ARHGEF4: variants seen among roughly 807,000 people sequenced by gnomAD.
ARHGEF4 encodes the protein Rho guanine nucleotide exchange factor 4, also known as APC-stimulated guanine nucleotide exchange factor 1.
Under a neutral mutation model 162.0 loss-of-function variants are expected in ARHGEF4, and 119 were observed. The ratio of observed to expected loss-of-function variants is 0.73; its 90% CI spans 0.63 to 0.86. The LOEUF (loss-of-function observed/expected upper bound fraction) is 0.86, where lower values mean the gene tolerates loss of function less well. ARHGEF4 is among the 40% of genes least tolerant of loss of function. ARHGEF4 has a pLI of 0.00. For missense variants in ARHGEF4, 2,488 were observed against 2,456.0 expected (o/e 1.01, Z -0.28); for synonymous variants, 1,014 against 979.9 (o/e 1.03, Z -0.65).
At chr2:130,956,448 G>C (rs1314754054) in intron 4 of ARHGEF4, among the ~76,000 whole-genome samples, 4 of 151,924 alleles carry the variant, frequency 2.6e-5, no homozygotes, top group Non-Finnish European at 5.9e-5. Context: ...AATACCATTT[G>C]ACCCAGCCAT....
chr2:130,993,446 ATTTTC>A (rs146358523), intron 4 of ARHGEF4, among the ~76,000 whole-genome samples: 3,908 of 152,036 alleles, frequency 0.026, 152 homozygotes, highest in East Asian at 0.21. Context: ...AAGAATGTGT[ATTTTC>A]TTCTTGTTGG....
In ARHGEF4 at chr2:130,982,208, A is replaced by G. The variant is rs1474951675; in HGVS notation, c.3985+35573A>G. ...GAGACAGGGTTTCACCATGTTGGCC[A>G]GGCTAATCTCGAACTCCTGACCTCA... On this transcript the variant is annotated intron_variant, in intron 4 of 13. Coordinates refer to ENST00000409359, the MANE Select transcript of ARHGEF4 (RefSeq NM_001367493.1). 2.0e-5 allele frequency among the ~76,000 whole-genome samples: 3 copies of G among 152,094 alleles called. No homozygotes were observed. The East Asian group carries it at 5.8e-4, about 29-fold the overall frequency.
Position 130,912,603 on chromosome 2 carries a change from G to A in ARHGEF4, c.40-1383G>A, listed in dbSNP as rs1305178847. On this transcript the variant is annotated intron_variant, in intron 1 of 13. Transcript: ENST00000409359. ...AAACCATGCCTGGGAGGGGCCGGTG[G>A]GGTGAATGGCTTCAGTACAAAGCTT... Among the ~76,000 whole-genome samples, 4 of 152,046 alleles carry A rather than the reference G, an allele frequency of 2.6e-5. No individual in the cohort carries two copies. The East Asian group carries it at 7.8e-4, about 29-fold the overall frequency.
intron 4 of ARHGEF4, among the ~76,000 whole-genome samples, chr2:130,997,730 G>T (rs1687495984): frequency 6.6e-6 from 1 of 152,168 alleles, no homozygotes; most frequent in African/African-American, 2.4e-5. Context: ...TTTAATGCTT[G>T]TTTTGAAAAC....
At chr2:130,906,843 TAGTCC>T (rs1297626518) in intron 1 of ARHGEF4, among the ~76,000 whole-genome samples, 3 of 152,244 alleles carry the variant, frequency 2.0e-5, no homozygotes, top group Non-Finnish European at 2.9e-5. Flanking sequence ...TGTCAGTCTA[TAGTCC>T]ATCTTGGGTT....
intron 1 of ARHGEF4, among the ~76,000 whole-genome samples, chr2:130,906,848 C>T (rs1680844428): frequency 6.6e-6 from 1 of 152,144 alleles, no homozygotes. Flanking sequence ...GTCTATAGTC[C>T]ATCTTGGGTT....
chr2:131,015,921 C>T (rs1008606206), intron 4 of ARHGEF4, among the ~76,000 whole-genome samples: 2 of 152,230 alleles, frequency 1.3e-5, no homozygotes, highest in African/African-American at 2.4e-5. Context: ...GGGCCACACC[C>T]GGACACGTAT....
At chr2:130,927,635 G>C (rs562281091) in intron 2 of ARHGEF4, among the ~76,000 whole-genome samples, 2 of 152,294 alleles carry the variant, frequency 1.3e-5, no homozygotes, top group South Asian at 4.2e-4. Context: ...TTTTCTGTCT[G>C]GACCTAGTGA....
intron 5 of ARHGEF4, among the ~76,000 whole-genome samples, chr2:131,032,818 C>T (rs950453171): frequency 1.5e-5 from 2 of 136,002 alleles, no homozygotes; most frequent in African/African-American, 6.1e-5. Context: ...CCTTTGCCTT[C>T]AAGCTTTCTT....
intron 4 of ARHGEF4, among the ~76,000 whole-genome samples, chr2:130,951,231 A>G (rs1270195317): frequency 1.3e-5 from 2 of 152,148 alleles, no homozygotes; most frequent in Admixed American, 1.3e-4. Context: ...TTCATTTCCT[A>G]CAAGAACTGC....
chr2:130,901,527 T>C (rs1269185083), intron 1 of ARHGEF4, among the ~76,000 whole-genome samples: 1 of 151,896 alleles, frequency 6.6e-6, no homozygotes, highest in Non-Finnish European at 1.5e-5. Flanking sequence ...CATATTCTTT[T>C]TTTTTTTTTT....
intron 1 of ARHGEF4, among the ~76,000 whole-genome samples, chr2:130,868,204 A>C (rs1682438570): frequency 1.3e-5 from 2 of 151,798 alleles, no homozygotes; most frequent in African/African-American, 2.4e-5. Context: ...GGATTACAGG[A>C]GTGAGCCACC....
chr2:130,864,159 C>G (rs1271820550), intron 1 of ARHGEF4, among the ~76,000 whole-genome samples: 1 of 151,138 alleles, frequency 6.6e-6, no homozygotes, highest in East Asian at 1.9e-4. Context: ...GCTCTCCAGC[C>G]TGGGCGACAG....
intron 1 of ARHGEF4, among the ~76,000 whole-genome samples, chr2:130,853,123 A>G (rs932009473): frequency 2.6e-5 from 4 of 152,162 alleles, no homozygotes; most frequent in African/African-American, 9.7e-5. Flanking sequence ...TGGCCTTCAT[A>G]TGGCACCATG....
Position 130,914,058 on chromosome 2 carries a change from G to T in ARHGEF4, c.112G>T (p.Glu38Ter), listed in dbSNP as rs756734222. Residue 38 changes from glutamate to a stop codon, truncating the protein, a stop_gained, in exon 2 of 14, where the codon GAA becomes TAA. Transcript: ENST00000409359. LOFTEE classifies it high-confidence loss of function. ...EDNQLPTSPA[E>*]QVEQGWNQQT... ...TAACCAGCTCCCCACATCCCCTGCA[G>T]AACAAGTGGAGCAGGGATGGAACCA... The T allele has an allele frequency of 6.5e-7, 1 of 1,536,146 alleles. No individual in the cohort carries two copies. Among genetic ancestry groups the T allele is most frequent in the South Asian group, 1.2e-5 (1 of 84,058 alleles).
intron 1 of ARHGEF4, among the ~76,000 whole-genome samples, chr2:130,854,128 T>C (rs1681597812): frequency 6.6e-6 from 1 of 152,122 alleles, no homozygotes; most frequent in Admixed American, 6.6e-5. Context: ...ATAAAAAAAT[T>C]ATAGCATACC....
chr2:130,888,272 G>A (rs552361946), intron 1 of ARHGEF4, among the ~76,000 whole-genome samples: 7 of 151,994 alleles, frequency 4.6e-5, no homozygotes, highest in African/African-American at 1.7e-4. Flanking sequence ...ATCAGTTCAA[G>A]ACCAGCCTGG....
At chr2:130,867,245 T>A (rs55695123) in intron 1 of ARHGEF4, among the ~76,000 whole-genome samples, 51,197 of 150,864 alleles carry the variant, frequency 0.34, 9,028 homozygotes, top group Non-Finnish European at 0.4. Flanking sequence ...TATTATTATT[T>A]TTTTTTTTTA....
At chr2:131,001,333 A>AC (rs1687755007) in intron 4 of ARHGEF4, among the ~76,000 whole-genome samples, 3 of 150,456 alleles carry the variant, frequency 2.0e-5, no homozygotes, top group African/African-American at 2.5e-5. Context: ...AAAAAACAGA[A>AC]AGAGCTGAAG....
Sources: allele counts gnomAD v4.1 joint callset (sites outside exome capture counted in the v4.1 genomes callset), GRCh38; gene constraint gnomAD v4.1.1; transcripts MANE v1.5; gene names NCBI Gene and HGNC (gene_info 2026-07-23, HGNC 2026-07-21).